Variants in SH3GLB1 observed in about 807,000 individuals in gnomAD.
The protein encoded by SH3GLB1 is SH3 domain containing GRB2 like, endophilin B1, also known as endophilin-B1.
In SH3GLB1, 17 loss-of-function variants were observed where a neutral mutation model predicts 42.0. The ratio of observed to expected loss-of-function variants is 0.40; its 90% CI spans 0.28 to 0.61. The LOEUF (loss-of-function observed/expected upper bound fraction) is 0.61. Ranked by LOEUF, SH3GLB1 falls within the 20% of genes least tolerant of loss-of-function variation. The pLI is 0.36. For synonymous variants in SH3GLB1, 132 were observed against 146.6 expected (o/e 0.90, Z 0.72); for missense variants, 355 against 426.3 (o/e 0.83, Z 1.47).
chr1:86,742,828 G>A (rs763782386), intron 8 of SH3GLB1, among the ~76,000 whole-genome samples: 2 of 152,016 alleles, frequency 1.3e-5, no homozygotes, highest in East Asian at 1.9e-4. Context: ...GGGCATGGTG[G>A]TGTGCGCCTG....
chr1:86,730,782 G>A (rs769101600), intron 5 of SH3GLB1, among the ~76,000 whole-genome samples: 8 of 152,284 alleles, frequency 5.3e-5, no homozygotes, highest in Admixed American at 6.5e-5. Flanking sequence ...CATTACAGGC[G>A]TGAGCCACCG....
At chr1:86,729,074 T>A (rs1389720777) in intron 5 of SH3GLB1, among the ~76,000 whole-genome samples, 1 of 152,212 alleles carries the variant, frequency 6.6e-6, no homozygotes, top group Non-Finnish European at 1.5e-5. Flanking sequence ...GTATCCAATG[T>A]ATATGTTGAG....
At chr1:86,710,888 C>A (rs2101915099) in intron 1 of SH3GLB1, among the ~76,000 whole-genome samples, 1 of 152,278 alleles carries the variant, frequency 6.6e-6, no homozygotes, top group East Asian at 1.9e-4. Flanking sequence ...GAGTTTAGAA[C>A]AGTGGTTCTC....
intron 2 of SH3GLB1, among the ~76,000 whole-genome samples, chr1:86,718,104 A>G (rs1450485864): frequency 6.6e-6 from 1 of 151,960 alleles, no homozygotes; most frequent in Non-Finnish European, 1.5e-5. Flanking sequence ...CAGTGGCACA[A>G]TCTCTGCTTA....
chr1:86,716,780 A>C (rs1418472450), intron 2 of SH3GLB1, among the ~76,000 whole-genome samples: 2 of 152,212 alleles, frequency 1.3e-5, no homozygotes, highest in African/African-American at 2.4e-5. Flanking sequence ...GGGTGTATGA[A>C]CATCCAGTCT....
At position 86,742,284 on chromosome 1, in the gene SH3GLB1, G is replaced by T; in HGVS notation, c.838G>T (p.Gly280Cys). 3 of 1,614,128 alleles carry T rather than the reference G, an allele frequency of 1.9e-6. No individual in the cohort carries two copies. The highest frequency in any genetic ancestry group is 2.5e-6 in the Non-Finnish European group (3 of 1,180,008). The change falls in exon 8 of 9, where the codon GGT becomes TGT. Residue 280 changes from glycine (G) to cysteine (C), a missense_variant. Coordinates refer to ENST00000370558, the MANE Select transcript of SH3GLB1 (RefSeq NM_016009.5). ...ACCATCAGTTTTACCAAATGCGATT[G>T]GTTCTTCTGCCATGGCTTCAACAAG... ...PVPSVLPNAI[G>C]SSAMASTSGL... is the part of the protein sequence containing the mutation.
At chr1:86,732,707 T>C (rs1323338028) in intron 5 of SH3GLB1, among the ~76,000 whole-genome samples, 1 of 152,168 alleles carries the variant, frequency 6.6e-6, no homozygotes, top group African/African-American at 2.4e-5. Context: ...GCCTGATCCC[T>C]CATCCTTAAT....
chr1:86,730,460 C>T (rs1396349001), intron 5 of SH3GLB1: 9 of 765,674 alleles, frequency 1.2e-5, no homozygotes, highest in Non-Finnish European at 1.1e-5. Flanking sequence ...ACACCATGTC[C>T]TGTATCTTCA....
chr1:86,722,142 C>T (rs1654898601), intron 3 of SH3GLB1, among the ~76,000 whole-genome samples: 1 of 150,314 alleles, frequency 6.7e-6, no homozygotes, highest in Admixed American at 6.7e-5. Flanking sequence ...TATGCCACCA[C>T]TGTGCCTGGC....
At chr1:86,730,124 T>C in intron 5 of SH3GLB1, 3 of 1,591,134 alleles carry the variant, frequency 1.9e-6, no homozygotes, top group Non-Finnish European at 2.6e-6. Flanking sequence ...AAGTAAATTA[T>C]TAAATACAGA....
At chr1:86,716,254 GTTTT>G (rs144643886) in intron 2 of SH3GLB1, among the ~76,000 whole-genome samples, 14,190 of 149,602 alleles carry the variant, frequency 0.095, 856 homozygotes, top group East Asian at 0.17. Context: ...TTTTTGGTGT[GTTTT>G]TTTGTTTGTT....
At chr1:86,722,746 C>T (rs1358505262) in intron 4 of SH3GLB1, 73 bp downstream of exon 4, 5 of 1,236,550 alleles carry the variant, frequency 4.0e-6, no homozygotes, top group Non-Finnish European at 5.5e-6. Flanking sequence ...ATAATTTGGC[C>T]TCTTAATGAC....
At chr1:86,726,941 G>A (rs1655229713) in intron 5 of SH3GLB1, among the ~76,000 whole-genome samples, 1 of 151,494 alleles carries the variant, frequency 6.6e-6, no homozygotes, top group Non-Finnish European at 1.5e-5. Context: ...GAATTACTTT[G>A]ACTTCACGTC....
Position 86,704,922 on chromosome 1 carries a change from T to A in SH3GLB1, c.23T>A (p.Val8Glu). Residue 8 changes from valine (V) to glutamate (E), a missense_variant, in exon 1 of 9, where the codon GTG (valine) becomes GAG (glutamate). Coordinates refer to ENST00000370558, the MANE Select transcript of SH3GLB1 (RefSeq NM_016009.5). MNIMDFNVKKLAADAGTF... is the reference protein window; with the variant it reads MNIMDFNEKKLAADAGTF... Reference sequence around the variant, plus strand: ...AGGATGAATATCATGGACTTCAACGTGAAGAAGCTGGCGGCCGACGCAGGC... The same window carrying A: ...AGGATGAATATCATGGACTTCAACGAGAAGAAGCTGGCGGCCGACGCAGGC... The A allele has an allele frequency of 6.3e-7, 1 of 1,585,480 alleles. No homozygotes were observed. The highest frequency in any genetic ancestry group is 8.6e-7 in the Non-Finnish European group (1 of 1,168,350).
chr1:86,707,500 C>T (rs1460988300), intron 1 of SH3GLB1, among the ~76,000 whole-genome samples: 1 of 151,998 alleles, frequency 6.6e-6, no homozygotes, highest in Non-Finnish European at 1.5e-5. Context: ...AAGGATGACT[C>T]CAAGGTTTTG....
intron 2 of SH3GLB1, 131 bp from the exon 3 acceptor site, chr1:86,719,372 ATTAT>A (rs1211570685): frequency 8.4e-6 from 4 of 476,540 alleles, no homozygotes; most frequent in Middle Eastern, 6.3e-4. Flanking sequence ...AATTTAAAAA[ATTAT>A]TTATTAAGAT....
intron 1 of SH3GLB1, among the ~76,000 whole-genome samples, chr1:86,706,836 T>TA (rs1307619693): frequency 2.0e-5 from 3 of 152,226 alleles, no homozygotes; most frequent in Non-Finnish European, 2.9e-5. Flanking sequence ...AGACTCAATT[T>TA]AAAAAATTAA....
intron 7 of SH3GLB1, among the ~76,000 whole-genome samples, chr1:86,740,224 G>A (rs1486381211): frequency 6.6e-6 from 1 of 152,078 alleles, no homozygotes; most frequent in Non-Finnish European, 1.5e-5. Flanking sequence ...TCAACTGAGT[G>A]TAATGGTTAT....
intron 7 of SH3GLB1, among the ~76,000 whole-genome samples, chr1:86,738,332 C>T (rs1486196954): frequency 1.3e-5 from 2 of 152,064 alleles, no homozygotes; most frequent in Non-Finnish European, 2.9e-5. Context: ...GTGGCGCAAT[C>T]TCGGCTCACT....
Sources: gnomAD v4.1 joint callset for allele counts (sites outside exome capture counted in the v4.1 genomes callset) on GRCh38, gnomAD v4.1.1 for gene constraint, MANE v1.5 for transcripts, NCBI Gene and HGNC (gene_info 2026-07-23, HGNC 2026-07-21) for gene names.